TAS1R2: variants seen among roughly 807,000 people sequenced by gnomAD.
TAS1R2 encodes the protein taste 1 receptor member 2.
TAS1R2 carries 47 observed loss-of-function variants against 49.3 expected under a neutral mutation model. The ratio of observed to expected loss-of-function variants is 0.95; its 90% CI spans 0.75 to 1.22. The LOEUF is 1.22. Ranked by LOEUF, TAS1R2 falls within the 50% of genes most tolerant of loss-of-function variation. The pLI is 0.00. For missense variants in TAS1R2, 1,155 were observed against 1,122.1 expected (o/e 1.03, Z -0.42); for synonymous variants, 479 against 467.9 (o/e 1.02, Z -0.31).
chr1:18,859,398 G>A, intron 1 of TAS1R2, 81 bp downstream of exon 1: 1 of 1,541,594 alleles, frequency 6.5e-7, no homozygotes. Context: ...GTCCTGGTCT[G>A]GCTCCCAAGG....
chr1:18,859,351 G>T, intron 1 of TAS1R2, 128 bp downstream of exon 1: 1 of 1,155,282 alleles, frequency 8.7e-7, no homozygotes, highest in Non-Finnish European at 1.3e-6. Context: ...GAATAAGGGG[G>T]TTGGCAATGA....
At chr1:18,849,489 G>A (rs772426504) in exon 4 of TAS1R2, 36 of 1,614,078 alleles carry the variant, frequency 2.2e-5, no homozygotes, top group South Asian at 8.8e-5. Flanking sequence ...GTCCCCTTGC[G>A]GGTCGAAGAA....
exon 5 of TAS1R2, chr1:18,841,821 T>C (rs769903737): frequency 3.1e-6 from 5 of 1,612,894 alleles, no homozygotes; most frequent in Middle Eastern, 1.6e-4. Flanking sequence ...TTGCCCTGAC[T>C]GGCACCTCTT....
Position 18,854,317 on chromosome 1 carries a change from C to T in TAS1R2, c.1153G>A (p.Val385Ile), listed in dbSNP as rs376688216. ...TAGACCGCAGAGTACACGCTGTAGA[C>T]GACACGCTCCCCAGAGAGCCTGAGA... Residue 385 changes from valine (V) to isoleucine (I), a missense_variant, in exon 3 of 6, where the codon GTC (valine) becomes ATC (isoleucine). Physicochemically the swap from Val to Ile is conservative, Grantham distance 29 (BLOSUM62 3). Coordinates refer to ENST00000375371, the Ensembl canonical transcript of TAS1R2. This position sits in a 1 kb window ranked among gnomAD's most constrained non-coding sequence, Gnocchi z 4.9. 1.8e-5 allele frequency: 29 copies of T among 1,613,916 alleles called. No individual in the cohort carries two copies. Among genetic ancestry groups the T allele is most frequent in the African/African-American group, 2.7e-5 (2 of 74,936 alleles).
intron 4 of TAS1R2, 138 bp from the exon 5 acceptor site, chr1:18,841,990 A>G: frequency 9.8e-7 from 1 of 1,015,424 alleles, no homozygotes; most frequent in Non-Finnish European, 1.4e-6. Context: ...TGTAGAAAAA[A>G]AAAAAAAAAC....
In TAS1R2 at chr1:18,854,883, T is replaced by A; in HGVS notation, c.587A>T (p.Gln196Leu). The A allele has an allele frequency of 6.2e-7, 1 of 1,612,880 alleles. No individual in the cohort carries two copies. Among genetic ancestry groups the A allele is most frequent in the Non-Finnish European group, 8.5e-7 (1 of 1,179,914 alleles). The change falls in exon 3 of 6, where the codon CAG (glutamine) becomes CTG (leucine). Residue 196 changes from glutamine to leucine, a missense_variant. Physicochemically the swap from Gln to Leu is moderately radical, Grantham distance 113. Transcript: ENST00000375371. The surrounding 1 kb of genome is among the most constrained non-coding windows in gnomAD (Gnocchi z 4.9). ...GTTCCAGCGGAAGTGCAGCATCAGC[T>A]GCACCATGGCCTCGATGTGGTGGTC... is the stretch of plus-strand genomic sequence containing the variant.
At chr1:18,849,427 G>T in exon 4 of TAS1R2, 1 of 1,614,260 alleles carries the variant, frequency 6.2e-7, no homozygotes, top group Non-Finnish European at 8.5e-7. Context: ...CTCTGGAAGG[G>T]ATTCTGGCTC....
rs146100319 is a variant in TAS1R2 at position 18,854,720 on chromosome 1, C to A, written c.750G>T (p.Thr250=). The change falls in exon 3 of 6, where the codon ACG becomes ACT. Residue 250 remains threonine (T), a synonymous_variant. Coordinates refer to ENST00000375371, the Ensembl canonical transcript of TAS1R2. This position sits in a 1 kb window ranked among gnomAD's most constrained non-coding sequence, Gnocchi z 4.9. ...TCACCAGGCGCTGGCGCTCCTCTGA[C>A]GTCATGTTCTGGTTGGGCTGCAGTG... 2 of 1,613,130 alleles carry A rather than the reference C, an allele frequency of 1.2e-6. No individual in the cohort carries two copies. The highest frequency in any genetic ancestry group is 1.3e-5 in the African/African-American group (1 of 75,048).
At chr1:18,842,115 C>T (rs191034813) in intron 4 of TAS1R2, among the ~76,000 whole-genome samples, 89 of 152,316 alleles carry the variant, frequency 5.8e-4, no homozygotes, top group African/African-American at 2.1e-3. Context: ...CAGAACCCAA[C>T]TGATGTGAAT....
chr1:18,854,705 C>T lies in TAS1R2; in HGVS notation c.765G>A (p.Gln255=). The change falls in exon 3 of 6, where the codon CAG becomes CAA. Residue 255 remains glutamine (Q), a synonymous_variant. Coordinates refer to ENST00000375371, the Ensembl canonical transcript of TAS1R2. The surrounding 1 kb of genome is among the most constrained non-coding windows in gnomAD (Gnocchi z 4.9). ...GCTTGTCCACAATGGTCACCAGGCG[C>T]TGGCGCTCCTCTGACGTCATGTTCT... 6.2e-7 allele frequency: 1 copy of T among 1,613,572 alleles called. No individual in the cohort carries two copies.
rs528838362 is a variant in TAS1R2 at position 18,848,241 on chromosome 1, A to G, written c.1467+1100T>C. 1.6e-3 allele frequency among the ~76,000 whole-genome samples: 236 copies of G among 151,722 alleles called. 4 individuals carry two copies. In the South Asian group the frequency reaches 0.046, roughly 30 times the overall value. ...TGTGTGGCCTCAGACAGGTCACACA[A>G]CCTCTCGGTGCCTTCAGTTTCCTAA... On this transcript the variant is annotated intron_variant, in intron 4 of 5. Transcript: ENST00000375371.
rs74604275 is a variant in TAS1R2 at position 18,854,836 on chromosome 1, T to C, written c.634A>G (p.Ser212Gly). 7.1e-4 allele frequency: 1,144 copies of C among 1,609,110 alleles called. 10 individuals are homozygous for C. The African/African-American group carries it at 0.013, about 19-fold the overall frequency. Residue 212 changes from serine to glycine, a missense_variant, in exon 3 of 6, where the codon AGC becomes GGC. By Grantham distance (56) the Ser-to-Gly change is moderately conservative. Transcript: ENST00000375371. This position sits in a 1 kb window ranked among gnomAD's most constrained non-coding sequence, Gnocchi z 4.9. ...CCATTGTCGCGGCCATAGGTGTCGC[T>C]GCTCACCAGCACAATGATCCAGTTC...
intron 4 of TAS1R2, among the ~76,000 whole-genome samples, chr1:18,845,408 T>C (rs1933901148): frequency 6.6e-6 from 1 of 152,224 alleles, no homozygotes; most frequent in South Asian, 2.1e-4. Context: ...ACAGCTAGAA[T>C]ATGTGTATCC....
chr1:18,849,689 G>T (rs1557597832), intron 3 of TAS1R2, 139 bp from the exon 4 acceptor site: 7 of 986,870 alleles, frequency 7.1e-6, no homozygotes, highest in Non-Finnish European at 1.0e-5. Flanking sequence ...ATCTCCGAAA[G>T]GGTGGCAATT....
chr1:18,856,029 C>A (rs1201956193), intron 2 of TAS1R2, among the ~76,000 whole-genome samples: 1 of 152,206 alleles, frequency 6.6e-6, no homozygotes, highest in East Asian at 1.9e-4. Context: ...AGCCCAGTGA[C>A]CCTGCTCACA....
At chr1:18,841,849 G>C (rs766567719) in exon 5 of TAS1R2, 1 of 1,597,882 alleles carries the variant, frequency 6.3e-7, no homozygotes, top group South Asian at 1.1e-5. Flanking sequence ...ATGGACATAG[G>C]GATCTGGAGG....
intron 5 of TAS1R2, among the ~76,000 whole-genome samples, chr1:18,840,885 G>T (rs1017871483): frequency 1.3e-5 from 2 of 152,166 alleles, no homozygotes; most frequent in African/African-American, 4.8e-5. Context: ...CTGACTCAAA[G>T]AATGCATTCA....
In TAS1R2 at chr1:18,857,598, C is replaced by A; in HGVS notation, c.216G>T (p.Met72Ile). ...CCTCCACCGCAAAGCGCATGGCCTG[C>A]ATGAGGTTGTAGCCTATCACCTTCA... The change falls in exon 2 of 6, where the codon ATG becomes ATT. Residue 72 changes from methionine to isoleucine, a missense_variant. Transcript: ENST00000375371. 1 of 1,614,004 alleles carries A rather than the reference C, an allele frequency of 6.2e-7. No individual in the cohort carries two copies. The highest frequency in any genetic ancestry group is 1.7e-5 in the Admixed American group (1 of 60,022).
chr1:18,839,762 A>T (rs1341318016), exon 6 of TAS1R2: 1 of 1,614,094 alleles, frequency 6.2e-7, no homozygotes, highest in African/African-American at 1.3e-5. Context: ...GGTGACCAGC[A>T]CCCCGCTGTA....
Sources: allele counts gnomAD v4.1 joint callset (sites outside exome capture counted in the v4.1 genomes callset), GRCh38; gene constraint gnomAD v4.1.1; non-coding constraint Gnocchi (gnomAD v3.1); transcripts MANE v1.5; gene names NCBI Gene and HGNC (gene_info 2026-07-23, HGNC 2026-07-21).